The following GBF1 variants were observed in gnomAD, a reference collection of about 807,000 sequenced individuals.
GBF1 encodes Golgi-specific brefeldin A-resistance guanine nucleotide exchange factor 1.
GBF1 carries 114 observed loss-of-function variants against 210.5 expected under a neutral mutation model. The observed-to-expected ratio is 0.54, with a 90% CI of 0.47 to 0.63. The LOEUF is 0.63. GBF1 is among the 30% of genes least tolerant of loss of function. The probability of loss-of-function intolerance (pLI) is 0.00; values close to 1 mark genes in which losing one functional copy is unlikely to be tolerated. For synonymous variants in GBF1, 850 were observed against 889.2 expected, an observed-to-expected ratio of 0.96 and a Z score of 0.78; for missense variants, 1,851 against 2,357.7, an observed-to-expected ratio of 0.79 and a Z score of 4.45.
At chr10:102,293,616 C>T (rs1395564591) in intron 3 of GBF1, among the ~76,000 whole-genome samples, 1 of 151,892 alleles carries the variant, frequency 6.6e-6, no homozygotes, top group Admixed American at 6.6e-5. Flanking sequence ...TATTGATGAT[C>T]CTGACACTCT....
intron 3 of GBF1, among the ~76,000 whole-genome samples, chr10:102,333,711 G>A (rs2057507500): frequency 6.6e-6 from 1 of 152,088 alleles, no homozygotes; most frequent in African/African-American, 2.4e-5. Context: ...ACAGGTGTAA[G>A]CCACCACACC....
chr10:102,279,566 G>A (rs970577784), intron 3 of GBF1, among the ~76,000 whole-genome samples: 1 of 152,080 alleles, frequency 6.6e-6, no homozygotes, highest in Non-Finnish European at 1.5e-5. Context: ...TAGGAGAAAC[G>A]TTTTCCTATT....
chr10:102,301,777 C>G (rs576306918), intron 3 of GBF1, among the ~76,000 whole-genome samples: 9 of 151,724 alleles, frequency 5.9e-5, no homozygotes, highest in African/African-American at 1.9e-4. Flanking sequence ...CCTCACTTCC[C>G]AGACTGGGCA....
chr10:102,351,548 A>G (rs571985682), intron 5 of GBF1, among the ~76,000 whole-genome samples, 174 bp downstream of exon 5: 1 of 152,294 alleles, frequency 6.6e-6, no homozygotes, highest in South Asian at 2.1e-4. Flanking sequence ...TCTAAGGAAA[A>G]TCAGTAAAAG....
At position 102,288,952 on chromosome 10, in the gene GBF1, A is replaced by G. The variant is rs555962118; in HGVS notation, c.163+28836A>G. ...CCCATCTCAACTGAAAATACAAAAA[A>G]ATTATCTGGGTGTGGTGGCACACGT... On this transcript the variant is annotated intron_variant, in intron 3 of 39. Transcript: ENST00000369983. Among the ~76,000 whole-genome samples, 3 of 152,154 alleles carry G rather than the reference A, an allele frequency of 2.0e-5. No individual in the cohort carries two copies. In the South Asian group the frequency reaches 6.2e-4, roughly 32 times the overall value.
rs1274963579 is a variant in GBF1 at position 102,377,007 on chromosome 10, C to G, written c.4361C>G (p.Ser1454Cys). The G allele has an allele frequency of 6.2e-7, 1 of 1,614,110 alleles. No individual in the cohort carries two copies. The highest frequency in any genetic ancestry group is 1.7e-5 in the Admixed American group (1 of 60,024). Residue 1454 changes from serine to cysteine, a missense_variant, in exon 33 of 40, where the codon TCC becomes TGC. Physicochemically the swap from Ser to Cys is moderately radical, Grantham distance 112 (BLOSUM62 -1). This residue lies in a region of GBF1 where 967 missense variants were observed against 1,247.7 expected (regional missense o/e 0.78). Transcript: ENST00000369983. ...DSKGNRFKKK[S>C]KEGSMLRRPR... ...AAAGGGAACCGCTTCAAGAAGAAAT[C>G]CAAAGAGGGATCAATGCTTCGCCGG...
chr10:102,326,116 G>T (rs1231027393), intron 3 of GBF1, among the ~76,000 whole-genome samples: 1 of 152,154 alleles, frequency 6.6e-6, no homozygotes, highest in East Asian at 1.9e-4. Context: ...TGTCTTACTT[G>T]TCTATTACTA....
chr10:102,366,391 G>C lies in GBF1; in HGVS notation c.2318G>C (p.Ser773Thr). The change falls in exon 19 of 40, where the codon AGT (serine) becomes ACT (threonine). Residue 773 changes from serine to threonine, a missense_variant. Physicochemically the swap from Ser to Thr is moderately conservative, Grantham distance 58. Transcript: ENST00000369983. The surrounding 1 kb of genome is among the most constrained non-coding windows in gnomAD (Gnocchi z 4.0). Reference protein sequence around the residue: ...DLLESFVSTFSFQGLRLDEAL... With the variant: ...DLLESFVSTFTFQGLRLDEAL... ...CCTTTCTTTCCCTATAGCACCTTCA[G>C]TTTTCAGGGTCTGCGACTGGACGAA... The C allele has an allele frequency of 6.2e-7, 1 of 1,614,060 alleles. No individual in the cohort carries two copies. Among genetic ancestry groups the C allele is most frequent in the Non-Finnish European group, 8.5e-7 (1 of 1,179,970 alleles).
intron 38 of GBF1, 30 bp downstream of exon 38, chr10:102,380,716 A>C: frequency 6.4e-7 from 1 of 1,554,638 alleles, no homozygotes. Flanking sequence ...TTTATCAAAA[A>C]GAGTCTCCTG....
intron 3 of GBF1, among the ~76,000 whole-genome samples, chr10:102,342,025 AT>A (rs1212335873): frequency 3.4e-5 from 5 of 148,072 alleles, no homozygotes; most frequent in Admixed American, 6.7e-5. Flanking sequence ...ATGACTTTAC[AT>A]TTTTTTATGT....
chr10:102,337,050 A>T (rs1000018555), intron 3 of GBF1, among the ~76,000 whole-genome samples: 10 of 152,158 alleles, frequency 6.6e-5, no homozygotes, highest in South Asian at 4.1e-4. Flanking sequence ...TGTTTTTAAA[A>T]TTTTTCTAGT....
rs1028691585 is a variant in GBF1, at chr10:102,290,868, A to T, written c.163+30752A>T. ...CATAAGTAGAGTGGGTTTTGTAGCT[A>T]TGCTGCATCCTATATTGAGTTTTCT... On this transcript the variant is annotated intron_variant, in intron 3 of 39. Transcript: ENST00000369983. Among the ~76,000 whole-genome samples the T allele has an allele frequency of 2.0e-5, 3 of 152,222 alleles. No individual in the cohort carries two copies. The South Asian group carries it at 6.2e-4, about 31-fold the overall frequency.
intron 3 of GBF1, among the ~76,000 whole-genome samples, chr10:102,302,910 T>G (rs909627227): frequency 1.3e-5 from 2 of 152,046 alleles, no homozygotes; most frequent in African/African-American, 2.4e-5. Context: ...GTTGAGAAAC[T>G]CTGGTACAAA....
chr10:102,252,607 G>A (rs2071706336), intron 1 of GBF1, among the ~76,000 whole-genome samples: 2 of 152,062 alleles, frequency 1.3e-5, no homozygotes, highest in African/African-American at 4.8e-5. Context: ...ATTTTGGGAG[G>A]CCAAGGCAGG....
At chr10:102,287,091 TA>T (rs1443710732) in intron 3 of GBF1, among the ~76,000 whole-genome samples, 1 of 152,152 alleles carries the variant, frequency 6.6e-6, no homozygotes, top group Non-Finnish European at 1.5e-5. Context: ...TCATAGGCAA[TA>T]ACCACTTTTA....
intron 3 of GBF1, among the ~76,000 whole-genome samples, chr10:102,342,144 C>G (rs2058227349): frequency 1.3e-5 from 2 of 151,112 alleles, no homozygotes; most frequent in African/African-American, 4.9e-5. Flanking sequence ...TCACACCATT[C>G]TCCTGCCTCA....
At chr10:102,341,828 G>A (rs867530953) in intron 3 of GBF1, among the ~76,000 whole-genome samples, 3 of 152,086 alleles carry the variant, frequency 2.0e-5, no homozygotes, top group East Asian at 1.9e-4. Flanking sequence ...CTCTTTTACC[G>A]TGAAGGAAGA....
At chr10:102,361,967 C>T in intron 14 of GBF1, 55 bp downstream of exon 14, 1 of 1,069,830 alleles carries the variant, frequency 9.3e-7, no homozygotes, top group Non-Finnish European at 1.3e-6. Flanking sequence ...AGGAAATCTC[C>T]CTGGTGGTAG....
chr10:102,342,148 T>A (rs932966523), intron 3 of GBF1, among the ~76,000 whole-genome samples: 2 of 151,690 alleles, frequency 1.3e-5, no homozygotes, highest in African/African-American at 4.9e-5. Flanking sequence ...ACCATTCTCC[T>A]GCCTCAGCCT....
Sources: allele counts gnomAD v4.1 joint callset (sites outside exome capture counted in the v4.1 genomes callset), GRCh38; gene constraint gnomAD v4.1.1; regional missense constraint gnomAD v4.1.1; non-coding constraint Gnocchi (gnomAD v3.1); transcripts MANE v1.5; gene names NCBI Gene and HGNC (gene_info 2026-07-23, HGNC 2026-07-21).